The following GPC4 variants were observed in gnomAD, a reference collection of about 807,000 sequenced individuals.
The protein encoded by GPC4 is glypican 4, also known as glypican-4.
Under a neutral mutation model 35.0 loss-of-function variants are expected in GPC4, and 10 were observed. The ratio of observed to expected loss-of-function variants is 0.29; its 90% CI spans 0.18 to 0.48. The LOEUF is 0.48. Among genes scored for constraint, GPC4 ranks in the 20% least tolerant of loss-of-function variants. The pLI is 0.99. For synonymous variants in GPC4, 167 were observed against 170.2 expected, an observed-to-expected ratio of 0.98 and a Z score of 0.15; for missense variants, 322 against 451.3, an observed-to-expected ratio of 0.71 and a Z score of 2.60.
chrX:133,310,398 C>A (rs1363098648), intron 4 of GPC4, among the ~76,000 whole-genome samples: 1 of 111,998 alleles, frequency 8.9e-6, no homozygotes, highest in East Asian at 2.8e-4. Context: ...TTGCTTCAGG[C>A]ATCAAGGTAA....
chrX:133,386,396 G>C (rs1269861339), intron 1 of GPC4, among the ~76,000 whole-genome samples: 4 of 111,781 alleles, frequency 3.6e-5, no homozygotes, highest in Non-Finnish European at 7.5e-5. Flanking sequence ...AAAGTAATTG[G>C]GCAAAGCCTA....
chrX:133,329,272 CA>C (rs2068408034), intron 2 of GPC4, among the ~76,000 whole-genome samples: 1 of 112,012 alleles, frequency 8.9e-6, no homozygotes, highest in Admixed American at 9.5e-5. Context: ...AGATGCTCAA[CA>C]AATAAACATT....
At chrX:133,303,427 CGTGAAGAT>C (rs1414284289) in intron 7 of GPC4, 86 bp from the exon 8 acceptor site, 2 of 793,566 alleles carry the variant, frequency 2.5e-6, no homozygotes, top group Non-Finnish European at 3.6e-6. Context: ...GGATTACAGG[CGTGAAGAT>C]TATGAAGATT....
intron 4 of GPC4, among the ~76,000 whole-genome samples, chrX:133,310,342 C>T (rs953041290): frequency 3.6e-5 from 4 of 111,696 alleles, no homozygotes; most frequent in African/African-American, 1.3e-4. Flanking sequence ...TATGTGTGTG[C>T]GGTCCTACTA....
At chrX:133,347,250 T>TTTTA (rs1556029445) in intron 1 of GPC4, among the ~76,000 whole-genome samples, 1 of 75,762 alleles carries the variant, frequency 1.3e-5, no homozygotes, top group Non-Finnish European at 2.4e-5. Context: ...TATTAGAAGT[T>TTTTA]TTTTTTTTTT....
chrX:133,337,534 C>T (rs2206622), intron 2 of GPC4, among the ~76,000 whole-genome samples: 190 of 111,726 alleles, frequency 1.7e-3, no homozygotes, highest in African/African-American at 5.9e-3. Flanking sequence ...CATTGTGCTG[C>T]CAACGGGAGA....
intron 2 of GPC4, among the ~76,000 whole-genome samples, chrX:133,338,525 A>G (rs2068453831): frequency 8.9e-6 from 1 of 111,793 alleles, no homozygotes; most frequent in South Asian, 3.8e-4. Flanking sequence ...CATATTGGCT[A>G]TTTCTTCAAT....
chrX:133,320,952 G>A (rs1229103473), intron 3 of GPC4, among the ~76,000 whole-genome samples: 2 of 111,503 alleles, frequency 1.8e-5, no homozygotes, highest in Non-Finnish European at 3.8e-5. Flanking sequence ...TGAGGCAGGA[G>A]GATTGCTGGA....
At chrX:133,355,264 G>C (rs1185762189) in intron 1 of GPC4, among the ~76,000 whole-genome samples, 3 of 112,125 alleles carry the variant, frequency 2.7e-5, no homozygotes, top group Non-Finnish European at 5.6e-5. Flanking sequence ...AACTGCATGA[G>C]CTTGAAAAAG....
At chrX:133,340,652 A>G (rs185239360) in intron 1 of GPC4, among the ~76,000 whole-genome samples, 158 of 112,544 alleles carry the variant, frequency 1.4e-3, no homozygotes, top group African/African-American at 4.8e-3. Context: ...ACTTACAGGA[A>G]ATAGGGCTTC....
At chrX:133,374,566 C>T (rs985890465) in intron 1 of GPC4, among the ~76,000 whole-genome samples, 5 of 111,736 alleles carry the variant, frequency 4.5e-5, no homozygotes, top group African/African-American at 1.3e-4. Context: ...AGAGAGGAAA[C>T]AAGACCTCGT....
intron 3 of GPC4, among the ~76,000 whole-genome samples, chrX:133,320,692 C>CT (rs768700669): frequency 1.5e-4 from 16 of 103,370 alleles, no homozygotes; most frequent in East Asian, 1.5e-3. Flanking sequence ...GACAGGGGAT[C>CT]TTTTTTTTTC....
rs2068832007 is a variant in GPC4 at position 133,415,024 on chromosome X, G to A, written c.-59C>T. ...GGGACCGGACGGGAAGCGGCGCTAC[G>A]GCAGCGGGCCGAGGGCTGGCGGAGT... On this transcript the variant is annotated 5_prime_UTR_variant, in exon 1 of 9. Transcript: ENST00000370828. 5.3e-6 allele frequency: 6 copies of A among 1,127,464 alleles called. No homozygotes were observed. Among genetic ancestry groups the A allele is most frequent in the Middle Eastern group, 3.1e-4 (1 of 3,223 alleles). 92.9% of individuals were successfully genotyped at this position (1,127,464 alleles called of 1,213,427 possible).
chrX:133,352,688 G>A (rs915771874), intron 1 of GPC4, among the ~76,000 whole-genome samples: 5 of 111,331 alleles, frequency 4.5e-5, no homozygotes, highest in African/African-American at 1.3e-4. Flanking sequence ...GAGCTTCTAT[G>A]CCCTCAAGTG....
At chrX:133,404,851 C>CA (rs763897889) in intron 1 of GPC4, among the ~76,000 whole-genome samples, 289 of 20,898 alleles carry the variant, frequency 0.014, 5 homozygotes, top group East Asian at 0.075. Flanking sequence ...GACCCTGTCT[C>CA]AAAAAAAAAA....
intron 1 of GPC4, among the ~76,000 whole-genome samples, chrX:133,406,238 C>T (rs1417276798): frequency 8.9e-6 from 1 of 112,398 alleles, no homozygotes; most frequent in African/African-American, 3.2e-5. Context: ...TTGTGCTTGT[C>T]TTATGTCTCT....
At chrX:133,334,310 G>A (rs1305197979) in intron 2 of GPC4, among the ~76,000 whole-genome samples, 2 of 112,042 alleles carry the variant, frequency 1.8e-5, no homozygotes, top group Non-Finnish European at 3.8e-5. Flanking sequence ...AGGGCTTAAG[G>A]GAAGGGTAAC....
chrX:133,364,874 C>T (rs1448930448), intron 1 of GPC4, among the ~76,000 whole-genome samples: 2 of 111,973 alleles, frequency 1.8e-5, no homozygotes, highest in Non-Finnish European at 3.8e-5. Flanking sequence ...AAATTTAAGA[C>T]TGTTTCATTC....
intron 1 of GPC4, among the ~76,000 whole-genome samples, chrX:133,384,050 C>T (rs953130473): frequency 3.6e-5 from 4 of 111,609 alleles, no homozygotes; most frequent in African/African-American, 1.3e-4. Context: ...CTTCAGGGAA[C>T]TGGAAATGCA....
Sources: allele counts gnomAD v4.1 joint callset (sites outside exome capture counted in the v4.1 genomes callset), GRCh38; gene constraint gnomAD v4.1.1; transcripts MANE v1.5; gene names NCBI Gene and HGNC (gene_info 2026-07-23, HGNC 2026-07-21).